Variants in FAT4 observed in about 807,000 individuals in gnomAD.
The protein encoded by FAT4 is protocadherin Fat 4.
A neutral mutation model predicts 303.9 loss-of-function variants in FAT4; 84 were observed. The ratio of observed to expected loss-of-function variants is 0.28; its 90% CI spans 0.23 to 0.33. FAT4 has a LOEUF of 0.33. Ranked by LOEUF, FAT4 falls within the 10% of genes least tolerant of loss-of-function variation. FAT4 has a pLI of 1.00. For synonymous variants in FAT4, 2,307 were observed against 2,298.8 expected, an observed-to-expected ratio of 1.00 and a Z score of -0.10; for missense variants, 6,005 against 6,146.8, an observed-to-expected ratio of 0.98 and a Z score of 0.77.
At chr4:125,431,741 C>T (rs1253807099) in intron 7 of FAT4, among the ~76,000 whole-genome samples, 2 of 152,104 alleles carry the variant, frequency 1.3e-5, no homozygotes, top group African/African-American at 2.4e-5. Flanking sequence ...CCTGCATCTC[C>T]TCCCATCCTT....
rs1046019210 is a variant in FAT4 at position 125,450,816 on chromosome 4, C to T, written c.9806C>T (p.Thr3269Ile). ...DFETKQSYHL[T>I]VKAFNVPDEE... is the part of the protein sequence containing the mutation. ...GAAACCAAGCAGAGCTACCATCTTACTGTGAAAGCCTTCAATGTCCCCGAT... is the reference window on the plus strand; with the variant it reads ...GAAACCAAGCAGAGCTACCATCTTATTGTGAAAGCCTTCAATGTCCCCGAT... The change falls in exon 10 of 18, where the codon ACT (threonine) becomes ATT (isoleucine). Residue 3269 changes from threonine (T) to isoleucine (I), a missense_variant. Thr to Ile is a moderately conservative substitution (Grantham distance 89). Transcript: ENST00000394329. 2 of 1,614,152 alleles carry T rather than the reference C, an allele frequency of 1.2e-6. No homozygotes were observed. Among genetic ancestry groups the T allele is most frequent in the South Asian group, 1.1e-5 (1 of 91,082 alleles).
chr4:125,435,477 C>T (rs772553607), intron 8 of FAT4, among the ~76,000 whole-genome samples: 3 of 152,126 alleles, frequency 2.0e-5, no homozygotes, highest in Non-Finnish European at 2.9e-5. Context: ...TGGTAATGAG[C>T]TGATTCATGT....
At chr4:125,377,016 TATC>T (rs2125995751) in intron 2 of FAT4, among the ~76,000 whole-genome samples, 1 of 152,326 alleles carries the variant, frequency 6.6e-6, no homozygotes, top group South Asian at 2.1e-4. Flanking sequence ...AATTTTCTCT[TATC>T]ATAAGGGAAG....
intron 2 of FAT4, among the ~76,000 whole-genome samples, chr4:125,379,919 G>A (rs1009302940): frequency 2.6e-5 from 4 of 151,892 alleles, no homozygotes; most frequent in Admixed American, 6.6e-5. Flanking sequence ...TTGAGATGGA[G>A]TTTTGCTCTT....
intron 9 of FAT4, 116 bp from the exon 10 acceptor site, chr4:125,448,345 C>A: frequency 1.1e-6 from 1 of 926,844 alleles, no homozygotes; most frequent in Non-Finnish European, 1.6e-6. Context: ...CCCTAGTAAT[C>A]ATGAGAAAAT....
intron 8 of FAT4, among the ~76,000 whole-genome samples, chr4:125,445,434 A>C (rs543316734): frequency 6.6e-6 from 1 of 152,140 alleles, no homozygotes; most frequent in Non-Finnish European, 1.5e-5. Flanking sequence ...CAACAAGGGT[A>C]TCTATTTGTT....
In FAT4 at chr4:125,407,086, A is replaced by G; in HGVS notation, c.5514A>G (p.Thr1838=). 2 of 1,613,790 alleles carry G rather than the reference A, an allele frequency of 1.2e-6. No individual in the cohort carries two copies. The highest frequency in any genetic ancestry group is 1.7e-6 in the Non-Finnish European group (2 of 1,179,828). ...NITVSDVNDH[T]PKFSRPVYSF... is the part of the protein sequence containing the mutation. Reference sequence around the variant, plus strand: ...CTGTCAGTGATGTGAATGACCATACACCCAAATTTTCCAGACCCGTGTACT... The same window carrying G: ...CTGTCAGTGATGTGAATGACCATACGCCCAAATTTTCCAGACCCGTGTACT... The change falls in exon 4 of 18, where the codon ACA becomes ACG. Residue 1838 remains threonine (T), a synonymous_variant. Coordinates refer to ENST00000394329, the MANE Select transcript of FAT4 (RefSeq NM_001291303.3).
At chr4:125,328,017 C>T (rs1450712602) in intron 2 of FAT4, among the ~76,000 whole-genome samples, 1 of 152,012 alleles carries the variant, frequency 6.6e-6, no homozygotes, top group African/African-American at 2.4e-5. Flanking sequence ...TTTATAAAAC[C>T]CATAAAAGTA....
rs1367524880 is a variant in FAT4, at chr4:125,451,886, T to A, written c.10876T>A (p.Tyr3626Asn). ...GACGGTGGAGATATTTGTTAATTAT[T>A]ATGGTAACTTGTTTCCCGGTGGGAT... is the stretch of plus-strand genomic sequence containing the variant. ...SRTVEIFVNY[Y>N]GNLFPGGILG... Residue 3626 changes from tyrosine to asparagine, a missense_variant, in exon 10 of 18, where the codon TAT (tyrosine) becomes AAT (asparagine). Tyr to Asn is a moderately radical substitution (Grantham distance 143). Coordinates refer to ENST00000394329, the MANE Select transcript of FAT4 (RefSeq NM_001291303.3). 1 of 1,614,068 alleles carries A rather than the reference T, an allele frequency of 6.2e-7. No homozygotes were observed.
chr4:125,408,388 C>T lies in FAT4; in HGVS notation c.5570-56C>T. The T allele has an allele frequency of 2.6e-6, 3 of 1,166,548 alleles. No individual in the cohort carries two copies. In the South Asian group the frequency reaches 4.6e-5, roughly 18 times the overall value. 72.3% of individuals were successfully genotyped at this position (1,166,548 alleles called of 1,614,324 possible). A position where few individuals can be genotyped will look rare whatever the true frequency, so the allele number is the denominator to read the frequency against. On this transcript the variant is annotated intron_variant, in intron 4 of 17. Transcript: ENST00000394329. The stretch of plus-strand genomic sequence containing the variant: ...TTTTTGGTCTCTTTCTATATGTTCT[C>T]TTAGTAATACTTCTTACTTCCTTGA...
Position 125,319,465 on chromosome 4 carries a change from A to T in FAT4, c.3054A>T (p.Val1018=). 1 of 1,613,756 alleles carries T rather than the reference A, an allele frequency of 6.2e-7. No individual in the cohort carries two copies. Residue 1018 remains valine (V), a synonymous_variant, in exon 2 of 18, where the codon GTA becomes GTT. Coordinates refer to ENST00000394329, the MANE Select transcript of FAT4 (RefSeq NM_001291303.3). ...CTGTGAATTCTCGATTCTTTAAAGT[A>T]CAAGCTTCTGATAAGGATTCAGGAG... is the stretch of plus-strand genomic sequence containing the variant. The part of the protein sequence containing the change: ...SEPVNSRFFK[V]QASDKDSGAN...
intron 2 of FAT4, among the ~76,000 whole-genome samples, chr4:125,359,332 T>C (rs1732558936): frequency 6.6e-6 from 1 of 152,176 alleles, no homozygotes; most frequent in Admixed American, 6.6e-5. Flanking sequence ...ATGGATGTTG[T>C]TGTTTTCCTA....
chr4:125,483,367 C>G (rs549989102), intron 16 of FAT4, among the ~76,000 whole-genome samples: 56 of 152,248 alleles, frequency 3.7e-4, no homozygotes, highest in African/African-American at 1.3e-3. Flanking sequence ...ACATTGAGGT[C>G]TGTGTGTTAT....
chr4:125,319,646 C>T lies in FAT4; in HGVS notation c.3235C>T (p.Pro1079Ser). Residue 1079 changes from proline (P) to serine (S), a missense_variant, in exon 2 of 18, where the codon CCC becomes TCC. Physicochemically the swap from Pro to Ser is moderately conservative, Grantham distance 74. Coordinates refer to ENST00000394329, the MANE Select transcript of FAT4 (RefSeq NM_001291303.3). ...TGTTGCTTCTGACAGAGCAGTGGAA[C>T]CCCTTAGTGCTACTGTGAATGTTAC... ...MVVASDRAVE[P>S]LSATVNVTVI... The T allele has an allele frequency of 1.2e-6, 2 of 1,613,828 alleles. No individual in the cohort carries two copies. Among genetic ancestry groups the T allele is most frequent in the African/African-American group, 1.3e-5 (1 of 75,010 alleles).
Position 125,398,914 on chromosome 4 carries a change from AG to A in FAT4, c.5307+1del. The A allele has an allele frequency of 6.2e-7, 1 of 1,612,798 alleles. No homozygotes were observed. The highest frequency in any genetic ancestry group is 8.5e-7 in the Non-Finnish European group (1 of 1,179,096). ...CAGCTGACAGCCATGGATGCTGATG[AG>A]GTAGCTCAAGCATGTCTCTGAATTT... ...IMQLTAMDAD[E>X]GANALVTYTI... On this transcript the variant is annotated frameshift_variant and splice_region_variant, in exon 3 of 18. Coordinates refer to ENST00000394329, the MANE Select transcript of FAT4 (RefSeq NM_001291303.3). LOFTEE classifies it high-confidence loss of function.
intron 8 of FAT4, among the ~76,000 whole-genome samples, chr4:125,437,227 T>G (rs1725486131): frequency 6.6e-6 from 1 of 152,016 alleles, no homozygotes; most frequent in East Asian, 1.9e-4. Context: ...AGAGAGAGTA[T>G]AGCAGGATAA....
chr4:125,415,880 G>A (rs1735037314), intron 6 of FAT4, 74 bp downstream of exon 6: 1 of 1,120,462 alleles, frequency 8.9e-7, no homozygotes, highest in Non-Finnish European at 1.3e-6. Flanking sequence ...CTCTTCTACA[G>A]CGTTTACGCT....
At chr4:125,369,978 A>T (rs1430381904) in intron 2 of FAT4, among the ~76,000 whole-genome samples, 1 of 152,142 alleles carries the variant, frequency 6.6e-6, no homozygotes, top group African/African-American at 2.4e-5. Flanking sequence ...ACCGAATAGT[A>T]TTCCATTGTA....
intron 2 of FAT4, among the ~76,000 whole-genome samples, chr4:125,338,303 C>G (rs1208298539): frequency 6.6e-6 from 1 of 152,182 alleles, no homozygotes; most frequent in Non-Finnish European, 1.5e-5. Flanking sequence ...GTTCTGCACA[C>G]TGTCATTTAG....
Sources: gnomAD v4.1 joint callset for allele counts (sites outside exome capture counted in the v4.1 genomes callset) on GRCh38, gnomAD v4.1.1 for gene constraint, MANE v1.5 for transcripts, NCBI Gene and HGNC (gene_info 2026-07-23, HGNC 2026-07-21) for gene names.